PCDH7: variants seen among roughly 807,000 people sequenced by gnomAD.
PCDH7 encodes protocadherin 7.
A neutral mutation model predicts 58.9 loss-of-function variants in PCDH7; 17 were observed. The ratio of observed to expected loss-of-function variants is 0.29; its 90% confidence interval spans 0.20 to 0.43. PCDH7 has a LOEUF of 0.43. PCDH7 is among the 20% of genes least tolerant of loss of function. The pLI is 1.00. For synonymous variants in PCDH7, 664 were observed against 616.4 expected (o/e 1.08, Z -1.14); for missense variants, 1,274 against 1,441.0 (o/e 0.88, Z 1.88).
intron 3 of PCDH7, among the ~76,000 whole-genome samples, chr4:30,992,397 G>A (rs995750905): frequency 1.3e-5 from 2 of 152,178 alleles, no homozygotes; most frequent in African/African-American, 4.8e-5. Context: ...CTTACAGGGT[G>A]CCTCAGTATA....
intron 3 of PCDH7, among the ~76,000 whole-genome samples, chr4:31,009,504 A>G (rs1196350128): frequency 2.6e-5 from 4 of 152,052 alleles, no homozygotes; most frequent in Admixed American, 2.6e-4. Flanking sequence ...AGCAGAGACT[A>G]CCAACACTGT....
intron 3 of PCDH7, among the ~76,000 whole-genome samples, chr4:31,019,853 C>T (rs1753895751): frequency 6.6e-6 from 1 of 151,830 alleles, no homozygotes; most frequent in South Asian, 2.1e-4. Context: ...TGTTAGCTGC[C>T]TGGAAGAATA....
chr4:31,142,777 T>C (rs1720420207), exon 4 of PCDH7: 8 of 1,367,034 alleles, frequency 5.9e-6, no homozygotes, highest in Non-Finnish European at 7.8e-6. Flanking sequence ...CTGAGGATAT[T>C]CCCCTTACAA....
chr4:31,064,548 G>C (rs1757928739), intron 3 of PCDH7, among the ~76,000 whole-genome samples: 1 of 151,974 alleles, frequency 6.6e-6, no homozygotes, highest in Non-Finnish European at 1.5e-5. Context: ...TCCCTTCAGA[G>C]CCTCTAAAGT....
intron 1 of PCDH7, among the ~76,000 whole-genome samples, chr4:30,756,764 C>T (rs900939928): frequency 1.3e-5 from 2 of 152,202 alleles, no homozygotes; most frequent in Non-Finnish European, 2.9e-5. Context: ...ACATCTTAAA[C>T]ATGTACCAAC....
In PCDH7 at chr4:30,721,983, A is replaced by T. The variant is rs1467479751; in HGVS notation, c.561A>T (p.Gly187=). The T allele has an allele frequency of 7.6e-7, 1 of 1,323,540 alleles. No homozygotes were observed. The highest frequency in any genetic ancestry group is 1.5e-5 in the African/African-American group (1 of 65,348). The allele number at this position is 1,323,540 out of a possible 1,614,324, so 82.0% of individuals were successfully genotyped here. A position where few individuals can be genotyped will look rare whatever the true frequency, so the allele number is the denominator to read the frequency against. The change falls in exon 1 of 2, where the codon GGA becomes GGT. Residue 187 remains glycine (G), a synonymous_variant. Transcript: ENST00000361762. The surrounding 1 kb of genome is among the most constrained non-coding windows in gnomAD (Gnocchi z 6.7). ...GCTACGAGCTGCTCCAGGAGCCCGG[A>T]GGCGGCGGCAGCGGCGGCGAGAGCC...
intron 3 of PCDH7, among the ~76,000 whole-genome samples, chr4:31,078,255 C>A (rs1759169731): frequency 6.6e-6 from 1 of 151,984 alleles, no homozygotes; most frequent in Admixed American, 6.6e-5. Flanking sequence ...AAACATCTAC[C>A]AGACTCAAAG....
chr4:30,875,626 A>C (rs145375695), intron 1 of PCDH7, among the ~76,000 whole-genome samples: 3 of 152,250 alleles, frequency 2.0e-5, no homozygotes, highest in African/African-American at 2.4e-5. Context: ...GCATCAGTGC[A>C]TTCTACCTAA....
chr4:31,146,513 C>G (rs377752296), downstream of PCDH7: 7 of 152,046 alleles, frequency 4.6e-5, no homozygotes, highest in East Asian at 1.2e-3. Context: ...ACTTTTCCTA[C>G]AGTTTAAAGC....
intron 3 of PCDH7, among the ~76,000 whole-genome samples, chr4:30,962,622 A>G (rs1748552608): frequency 6.6e-6 from 1 of 151,846 alleles, no homozygotes; most frequent in African/African-American, 2.4e-5. Flanking sequence ...CTCCATCTCT[A>G]CAAAAAATTA....
At chr4:31,027,654 C>T (rs1292152018) in intron 3 of PCDH7, among the ~76,000 whole-genome samples, 1 of 152,124 alleles carries the variant, frequency 6.6e-6, no homozygotes, top group Non-Finnish European at 1.5e-5. Context: ...ATCTCCTGAC[C>T]TCATGTACCG....
chr4:30,963,111 A>C (rs1190213257), intron 3 of PCDH7, among the ~76,000 whole-genome samples: 1 of 152,208 alleles, frequency 6.6e-6, no homozygotes, highest in Non-Finnish European at 1.5e-5. Context: ...TGAAACTCAA[A>C]CCTTGGCTAA....
rs144064800 is a variant in PCDH7 at position 31,025,307 on chromosome 4, C to T, written c.*7+75092C>T. The stretch of plus-strand genomic sequence containing the variant: ...GCATCTGCCCTTTCATTTTTAGCTA[C>T]GAAAAGCTAAATGAAATGGCTGTTA... On this transcript the variant is annotated intron_variant, in intron 3 of 3. Transcript: ENST00000509759. Among the ~76,000 whole-genome samples, 236 of 152,194 alleles carry T rather than the reference C, an allele frequency of 1.6e-3. 2 individuals carry two copies. The highest frequency in any genetic ancestry group is 5.3e-3 in the African/African-American group (222 of 41,512).
At chr4:30,870,859 A>G (rs1161725060) in intron 1 of PCDH7, among the ~76,000 whole-genome samples, 4 of 152,224 alleles carry the variant, frequency 2.6e-5, no homozygotes, top group African/African-American at 7.2e-5. Context: ...AGAGGTCCAC[A>G]TCTAGTTATT....
intron 3 of PCDH7, among the ~76,000 whole-genome samples, chr4:31,097,581 AATATACATATATATATATATAT>A (rs1180684599): frequency 1.2e-5 from 1 of 82,382 alleles, no homozygotes; most frequent in African/African-American, 4.4e-5. Context: ...TTTTCCTCCA[AATATACATATATATATATATAT>A]ATATATATAT....
At chr4:31,080,963 G>A (rs1377695736) in intron 3 of PCDH7, among the ~76,000 whole-genome samples, 1 of 152,144 alleles carries the variant, frequency 6.6e-6, no homozygotes. Flanking sequence ...TCTCTTGTCT[G>A]TCGCCATGTA....
At position 30,722,830 on chromosome 4, in the gene PCDH7, C is replaced by A; in HGVS notation, c.1408C>A (p.Leu470Ile). The A allele has an allele frequency of 6.2e-7, 1 of 1,613,536 alleles. No individual in the cohort carries two copies. Reference sequence around the variant, plus strand: ...CGTGGTGGGCGACGTGCCCTTCCAGCTCAAGCCAGCCAGCGACACCGAGGG... The same window carrying A: ...CGTGGTGGGCGACGTGCCCTTCCAGATCAAGCCAGCCAGCGACACCGAGGG... Residue 470 changes from leucine (L) to isoleucine (I), a missense_variant, in exon 1 of 2, where the codon CTC becomes ATC. Around this residue, in one of 3 missense-constraint regions of PCDH7, gnomAD observed 731 missense variants for 881.9 expected, o/e 0.83. Transcript: ENST00000361762. This position sits in a 1 kb window ranked among gnomAD's most constrained non-coding sequence, Gnocchi z 7.6.
intron 3 of PCDH7, among the ~76,000 whole-genome samples, chr4:30,970,073 TG>T (rs2109471663): frequency 6.6e-6 from 1 of 152,322 alleles, no homozygotes; most frequent in African/African-American, 2.4e-5. Context: ...GTTATCCTGG[TG>T]GTCAGACCAC....
chr4:31,078,587 C>T (rs983331976), intron 3 of PCDH7, among the ~76,000 whole-genome samples: 27 of 148,540 alleles, frequency 1.8e-4, no homozygotes, highest in African/African-American at 6.7e-4. Context: ...TGCTTTGGCT[C>T]CCAAAGGGCT....
Sources: allele counts gnomAD v4.1 joint callset (sites outside exome capture counted in the v4.1 genomes callset), GRCh38; gene constraint gnomAD v4.1.1; regional missense constraint gnomAD v4.1.1; non-coding constraint Gnocchi (gnomAD v3.1); transcripts MANE v1.5; gene names NCBI Gene and HGNC (gene_info 2026-07-23, HGNC 2026-07-21).